The following CHMP7 variants were observed in gnomAD, a reference collection of about 807,000 sequenced individuals.
CHMP7 encodes the protein CHMP family, member 7.
Under a neutral mutation model 53.7 loss-of-function variants are expected in CHMP7, and 15 were observed. The observed-to-expected ratio is 0.28, with a 90% CI of 0.19 to 0.43. CHMP7 has a LOEUF of 0.43. Among genes scored for constraint, CHMP7 ranks in the 20% least tolerant of loss-of-function variants. The pLI, the probability that CHMP7 is intolerant of heterozygous loss-of-function variation, is 1.00. For missense variants in CHMP7, 527 were observed against 569.4 expected (o/e 0.93, Z 0.76); for synonymous variants, 261 against 228.0 (o/e 1.14, Z -1.30).
intron 2 of CHMP7, chr8:23,247,965 C>T (rs1401300128): frequency 7.2e-6 from 3 of 419,234 alleles, no homozygotes; most frequent in South Asian, 1.6e-5. Context: ...AAGAGATCTC[C>T]CTTCTCTACT....
intron 6 of CHMP7, 81 bp downstream of exon 6, chr8:23,258,162 G>C (rs1279367681): frequency 6.8e-7 from 1 of 1,463,672 alleles, no homozygotes; most frequent in Non-Finnish European, 9.5e-7. Context: ...AGAGCAGCTT[G>C]CTGGGGTTTT....
intron 2 of CHMP7, among the ~76,000 whole-genome samples, chr8:23,248,700 T>TA: frequency 6.6e-6 from 1 of 152,238 alleles, no homozygotes; most frequent in East Asian, 1.9e-4. Flanking sequence ...GAGCTGCTGT[T>TA]ACTGTTACCA....
chr8:23,256,587 C>A lies in CHMP7; in HGVS notation c.785C>A (p.Ala262Glu). ...SRKVESLSQE[A>E]ERCKEEARRA... is the part of the protein sequence containing the mutation. ...AAAGTGGAGTCCTTATCCCAGGAAG[C>A]AGAGAGGTAACTTTTAACCCTGAAC... The change falls in exon 5 of 11, where the codon GCA becomes GAA. Residue 262 changes from alanine to glutamate, a missense_variant. Coordinates refer to ENST00000397677, the MANE Select transcript of CHMP7 (RefSeq NM_152272.5). The A allele has an allele frequency of 6.2e-7, 1 of 1,613,786 alleles. No homozygotes were observed. The highest frequency in any genetic ancestry group is 8.5e-7 in the Non-Finnish European group (1 of 1,179,870).
intron 5 of CHMP7, among the ~76,000 whole-genome samples, chr8:23,257,235 C>G (rs1309843596): frequency 1.3e-5 from 2 of 151,718 alleles, no homozygotes; most frequent in African/African-American, 4.8e-5. Context: ...TAGCTGGGAC[C>G]ACAAGTGTGC....
chr8:23,260,614 G>A lies in CHMP7; in HGVS notation c.*15G>A, dbSNP rs769450728. 1.9e-6 allele frequency: 3 copies of A among 1,604,868 alleles called. No homozygotes were observed. Among genetic ancestry groups the A allele is most frequent in the Non-Finnish European group, 1.7e-6 (2 of 1,171,610 alleles). On this transcript the variant is annotated 3_prime_UTR_variant, in exon 11 of 11. Transcript: ENST00000397677. Reference sequence around the variant, plus strand: ...AGCCATTGTAGGACCCTCAAGTGAAGGACCCTCATGTAAAAGAGAGACCAG... The same window carrying A: ...AGCCATTGTAGGACCCTCAAGTGAAAGACCCTCATGTAAAAGAGAGACCAG...
At chr8:23,260,377 G>T in intron 10 of CHMP7, 54 bp downstream of exon 10, 1 of 1,597,424 alleles carries the variant, frequency 6.3e-7, no homozygotes, top group Non-Finnish European at 8.6e-7. Flanking sequence ...CTGGCTGACA[G>T]AGTTGATGGG....
At chr8:23,252,406 G>A (rs145066063) in intron 3 of CHMP7, 13,627 of 151,874 alleles carry the variant, frequency 0.09, 878 homozygotes, top group East Asian at 0.3. Context: ...GGATGGTCTC[G>A]ATCTCCTGAC....
chr8:23,246,066 TG>T (rs1801671626), intron 1 of CHMP7, 189 bp from the exon 2 acceptor site: 1 of 152,270 alleles, frequency 6.6e-6, no homozygotes, highest in Admixed American at 6.5e-5. Context: ...CTTTAGGTTT[TG>T]TTGATAATCT....
intron 3 of CHMP7, among the ~76,000 whole-genome samples, chr8:23,254,470 C>T (rs1049313783): frequency 6.6e-6 from 1 of 152,182 alleles, no homozygotes; most frequent in South Asian, 2.1e-4. Flanking sequence ...TCTCGGCTCA[C>T]TGCAACCTCC....
intron 2 of CHMP7, 83 bp downstream of exon 2, chr8:23,247,077 C>A: frequency 7.6e-7 from 1 of 1,314,044 alleles, no homozygotes; most frequent in Non-Finnish European, 1.0e-6. Context: ...GTTCTCTGCA[C>A]AGCGCACTGC....
intron 3 of CHMP7, among the ~76,000 whole-genome samples, chr8:23,253,983 CATAAG>C (rs1443833352): frequency 2.0e-5 from 3 of 152,202 alleles, no homozygotes; most frequent in African/African-American, 7.2e-5. Flanking sequence ...AAAGGATCAT[CATAAG>C]ATATTACACT....
chr8:23,254,515 C>T (rs1802050382), intron 3 of CHMP7, among the ~76,000 whole-genome samples: 1 of 152,044 alleles, frequency 6.6e-6, no homozygotes, highest in African/African-American at 2.4e-5. Flanking sequence ...CTGCCTCAAC[C>T]TCCCAAGTAG....
intron 1 of CHMP7, 144 bp downstream of exon 1, chr8:23,243,988 G>C (rs1294689689): frequency 7.0e-6 from 1 of 143,810 alleles, no homozygotes; most frequent in Admixed American, 7.4e-5. Context: ...GTTTTAACTG[G>C]GTTATTCTTT....
chr8:23,255,546 C>T (rs1396976994), intron 4 of CHMP7, 114 bp downstream of exon 4: 6 of 854,240 alleles, frequency 7.0e-6, no homozygotes, highest in Non-Finnish European at 1.1e-5. Context: ...CTGCCGTCAA[C>T]CACGGTCCAA....
rs796504711 is a variant in CHMP7 at position 23,244,904 on chromosome 8, G to A, written c.-441+1060G>A. On this transcript the variant is annotated intron_variant, in intron 1 of 10. Coordinates refer to ENST00000397677, the MANE Select transcript of CHMP7 (RefSeq NM_152272.5). ...TTTATAGGGGGGTGCTAATGTAAAT[G>A]GTATTGCATTTTTAATTTCATATTC... Among the ~76,000 whole-genome samples the A allele has an allele frequency of 3.3e-5, 5 of 152,214 alleles. No homozygotes were observed. The South Asian group carries it at 6.2e-4, about 19-fold the overall frequency.
intron 2 of CHMP7, 115 bp downstream of exon 2, chr8:23,247,109 A>G (rs12543373): frequency 0.4 from 427,048 of 1,064,102 alleles, 87,427 homozygotes; most frequent in South Asian, 0.52. Flanking sequence ...TGTCTGGCCC[A>G]GAGAAGGCAT....
intron 2 of CHMP7, 25 bp downstream of exon 2, chr8:23,247,019 C>T (rs766822568): frequency 1.6e-5 from 24 of 1,483,808 alleles, no homozygotes; most frequent in Middle Eastern, 4.8e-4. Flanking sequence ...GGGGCCAGGG[C>T]CGCGAGGGCG....
At chr8:23,256,944 C>T (rs1802157756) in intron 5 of CHMP7, among the ~76,000 whole-genome samples, 1 of 151,946 alleles carries the variant, frequency 6.6e-6, no homozygotes, top group South Asian at 2.1e-4. Context: ...AGCCACCCGC[C>T]ACCACGCCTG....
At chr8:23,252,777 T>G (rs73558348) in intron 3 of CHMP7, among the ~76,000 whole-genome samples, 1,982 of 152,338 alleles carry the variant, frequency 0.013, 43 homozygotes, top group African/African-American at 0.045. Context: ...TCAATACTTA[T>G]TTTTGTGTAT....
Sources: gnomAD v4.1 joint callset for allele counts (sites outside exome capture counted in the v4.1 genomes callset) on GRCh38, gnomAD v4.1.1 for gene constraint, MANE v1.5 for transcripts, NCBI Gene and HGNC (gene_info 2026-07-23, HGNC 2026-07-21) for gene names.